Variants in MACROD2 observed in about 807,000 individuals in gnomAD.
MACROD2 encodes the protein ADP-ribose glycohydrolase MACROD2.
A neutral mutation model predicts 70.4 loss-of-function variants in MACROD2; 36 were observed. The observed-to-expected ratio is 0.51, with a 90% CI of 0.39 to 0.68. The LOEUF (loss-of-function observed/expected upper bound fraction) is 0.68. MACROD2 is among the 30% of genes least tolerant of loss of function. The probability of loss-of-function intolerance (pLI) is 0.00; values close to 1 mark genes in which losing one functional copy is unlikely to be tolerated. For synonymous variants in MACROD2, 172 were observed against 178.8 expected (o/e 0.96, Z 0.30); for missense variants, 496 against 538.4 (o/e 0.92, Z 0.78).
At chr20:15,821,665 C>G (rs1366168063) in intron 8 of MACROD2, among the ~76,000 whole-genome samples, 1 of 152,154 alleles carries the variant, frequency 6.6e-6, no homozygotes, top group African/African-American at 2.4e-5. Context: ...CATGTACACG[C>G]ATCTTTCTTG....
chr20:15,228,352 C>T (rs1474372253), intron 5 of MACROD2, among the ~76,000 whole-genome samples: 1 of 152,096 alleles, frequency 6.6e-6, no homozygotes, highest in East Asian at 1.9e-4. Flanking sequence ...CTCTTAATAT[C>T]GGCTGACAAG....
chr20:14,642,521 C>G (rs572168019), intron 4 of MACROD2, among the ~76,000 whole-genome samples: 3 of 152,210 alleles, frequency 2.0e-5, no homozygotes, highest in South Asian at 4.1e-4. Context: ...TTATTTCTAA[C>G]TTTTCATGTA....
chr20:14,891,253 CACTTGGGAATAAAATGGCCAAGATAACAG>C (rs1181639369), intron 5 of MACROD2, among the ~76,000 whole-genome samples: 2 of 152,056 alleles, frequency 1.3e-5, no homozygotes, highest in Non-Finnish European at 2.9e-5. Flanking sequence ...CCTGAGATTT[CACTTGGGAATAAAATGGCCAAGATAACAG>C]ATAAGCACTT....
intron 8 of MACROD2, among the ~76,000 whole-genome samples, chr20:15,783,648 A>G (rs2051872586): frequency 6.6e-6 from 1 of 152,170 alleles, no homozygotes; most frequent in Non-Finnish European, 1.5e-5. Context: ...ATACATTGTT[A>G]ATAATGTATA....
intron 7 of MACROD2, among the ~76,000 whole-genome samples, chr20:15,475,272 T>C (rs2047007812): frequency 6.6e-6 from 1 of 152,156 alleles, no homozygotes. Flanking sequence ...TAGGACTGTA[T>C]AGTAACATCT....
At chr20:15,635,386 T>C (rs1215229941) in intron 8 of MACROD2, among the ~76,000 whole-genome samples, 2 of 152,214 alleles carry the variant, frequency 1.3e-5, no homozygotes, top group African/African-American at 4.8e-5. Flanking sequence ...AACTGTAATA[T>C]GTCCATTTCT....
intron 6 of MACROD2, among the ~76,000 whole-genome samples, chr20:15,409,611 G>T (rs370140903): frequency 6.6e-6 from 1 of 152,152 alleles, no homozygotes; most frequent in East Asian, 1.9e-4. Flanking sequence ...GATTTTGGAG[G>T]TGATGCTAGG....
intron 3 of MACROD2, among the ~76,000 whole-genome samples, chr20:14,319,305 C>T (rs1364507454): frequency 1.3e-5 from 2 of 152,120 alleles, no homozygotes; most frequent in Non-Finnish European, 2.9e-5. Context: ...TTCAGGCATC[C>T]TAGAGCCACA....
At chr20:15,036,606 A>G (rs1216801129) in intron 5 of MACROD2, among the ~76,000 whole-genome samples, 1 of 152,126 alleles carries the variant, frequency 6.6e-6, no homozygotes, top group Non-Finnish European at 1.5e-5. Flanking sequence ...GGGTTTCCAA[A>G]CCCTTTAGAT....
chr20:15,846,533 G>A (rs767489172), intron 8 of MACROD2, among the ~76,000 whole-genome samples: 1 of 152,082 alleles, frequency 6.6e-6, no homozygotes, highest in Non-Finnish European at 1.5e-5. Flanking sequence ...TTCACTGTGG[G>A]TGGCAATGAT....
chr20:14,044,441 C>T (rs1199353583), intron 2 of MACROD2, among the ~76,000 whole-genome samples: 3 of 152,112 alleles, frequency 2.0e-5, no homozygotes, highest in Non-Finnish European at 4.4e-5. Context: ...CCACTGCTGG[C>T]GTGGCAGCCT....
At chr20:15,078,708 C>CT (rs11407171) in intron 5 of MACROD2, among the ~76,000 whole-genome samples, 72,881 of 145,792 alleles carry the variant, frequency 0.5, 18,746 homozygotes, top group East Asian at 0.88. Context: ...CCTTCACTTT[C>CT]TTTTTTTTTT....
At chr20:15,598,836 A>G (rs1452872805) in intron 8 of MACROD2, among the ~76,000 whole-genome samples, 2 of 152,236 alleles carry the variant, frequency 1.3e-5, no homozygotes, top group Non-Finnish European at 2.9e-5. Flanking sequence ...CATGTTCTAA[A>G]TATCACATGG....
chr20:14,312,131 A>G (rs930668335), intron 3 of MACROD2, among the ~76,000 whole-genome samples: 2 of 152,096 alleles, frequency 1.3e-5, no homozygotes, highest in African/African-American at 4.8e-5. Flanking sequence ...CACAGCTTCA[A>G]CTGACTCAGG....
At chr20:14,066,805 ATTTTTTTTTTTTT>A (rs34648174) in intron 2 of MACROD2, among the ~76,000 whole-genome samples, 2 of 104,108 alleles carry the variant, frequency 1.9e-5, no homozygotes, top group Non-Finnish European at 3.7e-5. Context: ...TGTTTTAGTG[ATTTTTTTTTTTTT>A]TTTTTTTTTT....
intron 8 of MACROD2, among the ~76,000 whole-genome samples, chr20:15,861,032 A>G (rs755075545): frequency 1.3e-5 from 2 of 152,222 alleles, no homozygotes; most frequent in Non-Finnish European, 2.9e-5. Flanking sequence ...ATTAGTTGGC[A>G]GTGTATGACT....
chr20:14,926,616 A>G (rs919493156), intron 5 of MACROD2, among the ~76,000 whole-genome samples: 3 of 152,112 alleles, frequency 2.0e-5, no homozygotes, highest in African/African-American at 7.2e-5. Context: ...GTCAAACTCA[A>G]TATAGTCATG....
rs35450737 is a variant in MACROD2, at chr20:15,027,707, TAA to T, written c.419-202217_419-202216del. Among the ~76,000 whole-genome samples the T allele has an allele frequency of 6.7e-3, 881 of 130,970 alleles. 11 individuals are homozygous for T. The highest frequency in any genetic ancestry group is 0.029 in the Admixed American group (375 of 13,094). 85.9% of individuals were successfully genotyped at this position (130,970 alleles called of 152,430 possible). On this transcript the variant is annotated intron_variant, in intron 5 of 17. Coordinates refer to ENST00000684519, the MANE Select transcript of MACROD2 (RefSeq NM_001351661.2). ...CTGGGCAAGAGTAGGACTCTCTAAT[TAA>T]AAAAAAAAAAAAAAATGAAAAAAAA...
chr20:14,383,946 C>G (rs2083446902), intron 3 of MACROD2, among the ~76,000 whole-genome samples: 1 of 152,006 alleles, frequency 6.6e-6, no homozygotes. Flanking sequence ...CAATATGTTA[C>G]TAGTGTTTGG....
Sources: allele counts gnomAD v4.1 joint callset (sites outside exome capture counted in the v4.1 genomes callset), GRCh38; gene constraint gnomAD v4.1.1; transcripts MANE v1.5; gene names NCBI Gene and HGNC (gene_info 2026-07-23, HGNC 2026-07-21).